The following SMARCD3 variants were observed in gnomAD, a reference collection of about 807,000 sequenced individuals.
SMARCD3 encodes the protein SWI/SNF related BAF chromatin remodeling complex subunit D3.
A neutral mutation model predicts 58.0 loss-of-function variants in SMARCD3; 14 were observed. The observed-to-expected ratio is 0.24, with a 90% confidence interval of 0.16 to 0.38. The LOEUF (loss-of-function observed/expected upper bound fraction) is 0.38, where lower values mean the gene tolerates loss of function less well. SMARCD3 is among the 10% of genes least tolerant of loss of function. The probability of loss-of-function intolerance (pLI) is 1.00; values close to 1 mark genes in which losing one functional copy is unlikely to be tolerated. For missense variants in SMARCD3, 408 were observed against 636.9 expected (o/e 0.64, Z 3.87); for synonymous variants, 253 against 253.8 (o/e 1.00, Z 0.03).
chr7:151,269,437 A>C (rs1227944917), intron 2 of SMARCD3, among the ~76,000 whole-genome samples: 1 of 152,176 alleles, frequency 6.6e-6, no homozygotes, highest in African/African-American at 2.4e-5. Context: ...CTGCTGGCTC[A>C]CTTTTTCTTT....
rs573737118 is a variant in SMARCD3, at chr7:151,245,611, C to T, written c.139G>A (p.Gly47Ser). 1.7e-6 allele frequency: 2 copies of T among 1,184,748 alleles called. No individual in the cohort carries two copies. The highest frequency in any genetic ancestry group is 1.1e-6 in the Non-Finnish European group (1 of 945,726). 73.4% of individuals were successfully genotyped at this position (1,184,748 alleles called of 1,614,324 possible). The stretch of plus-strand genomic sequence containing the variant: ...GCGGGGCTGCCCATGTACGGGGAGC[C>T]CGGGGGGCCCATGGGCGCCCCCTGG... Reference protein sequence around the residue: ...PHQGAPMGPPGSPYMGSPAVR... With the variant: ...PHQGAPMGPPSSPYMGSPAVR... Residue 47 changes from glycine (G) to serine (S), a missense_variant, in exon 2 of 13, where the codon GGC (glycine) becomes AGC (serine). Transcript: ENST00000262188. The surrounding 1 kb of genome is among the most constrained non-coding windows in gnomAD (Gnocchi z 6.2).
chr7:151,242,882 G>A lies in SMARCD3; in HGVS notation c.334-39C>T. ...AGCAGGGCAGGAGTCAGAGGCTCAAGTCCAGGGTTGTACCATGGAATGTAT... is the reference window on the plus strand; with the variant it reads ...AGCAGGGCAGGAGTCAGAGGCTCAAATCCAGGGTTGTACCATGGAATGTAT... On this transcript the variant is annotated intron_variant, in intron 3 of 12. Coordinates refer to ENST00000262188, the MANE Select transcript of SMARCD3 (RefSeq NM_001003801.2). This position sits in a 1 kb window ranked among gnomAD's most constrained non-coding sequence, Gnocchi z 4.7. 1 of 1,611,850 alleles carries A rather than the reference G, an allele frequency of 6.2e-7. No individual in the cohort carries two copies. The highest frequency in any genetic ancestry group is 1.1e-5 in the South Asian group (1 of 90,828).
At position 151,239,030 on chromosome 7, in the gene SMARCD3, C is replaced by T; in HGVS notation, c.*73G>A. 1 of 1,459,310 alleles carries T rather than the reference C, an allele frequency of 6.9e-7. No homozygotes were observed. Among genetic ancestry groups the T allele is most frequent in the Admixed American group, 1.7e-5 (1 of 59,818 alleles). 90.4% of individuals were successfully genotyped at this position (1,459,310 alleles called of 1,614,324 possible). On this transcript the variant is annotated 3_prime_UTR_variant, in exon 13 of 13. Coordinates refer to ENST00000262188, the MANE Select transcript of SMARCD3 (RefSeq NM_001003801.2). This position sits in a 1 kb window ranked among gnomAD's most constrained non-coding sequence, Gnocchi z 7.0. ...ACCCCAAGGTGGCAGAGGAGTGATG[C>T]TGGAGCCCGGGGCAAAATGCTGGGG...
At chr7:151,256,676 AC>A (rs1164985799) in intron 2 of SMARCD3, among the ~76,000 whole-genome samples, 1 of 151,510 alleles carries the variant, frequency 6.6e-6, no homozygotes, top group African/African-American at 2.4e-5. Context: ...CCGCTCCCAC[AC>A]CCCGACAGGA....
At chr7:151,240,366 C>T in intron 9 of SMARCD3, 59 bp downstream of exon 9, 1 of 1,582,468 alleles carries the variant, frequency 6.3e-7, no homozygotes. Flanking sequence ...GAGGGAGGGG[C>T]AGGGAAGGCA....
chr7:151,255,748 C>A (rs1038551010), intron 2 of SMARCD3, among the ~76,000 whole-genome samples: 1 of 152,162 alleles, frequency 6.6e-6, no homozygotes, highest in Non-Finnish European at 1.5e-5. Context: ...TCCTGCGACT[C>A]CTCTGGAACC....
rs1013396551 is a variant in SMARCD3, at chr7:151,242,427, A to G, written c.579+54T>C. On this transcript the variant is annotated intron_variant, in intron 5 of 12. Transcript: ENST00000262188. This position sits in a 1 kb window ranked among gnomAD's most constrained non-coding sequence, Gnocchi z 4.7. ...AGTGCAGACACCTTGTTCTGTTCTC[A>G]GTGCAGCCCATGCCCACCCCAGGAC... The G allele has an allele frequency of 1.9e-6, 3 of 1,600,404 alleles. No individual in the cohort carries two copies. The African/African-American group carries it at 4.0e-5, about 21-fold the overall frequency.
In SMARCD3 at chr7:151,243,583, G is replaced by A; in HGVS notation, c.333+76C>T. 1.2e-6 allele frequency: 1 copy of A among 828,138 alleles called. No homozygotes were observed. Among genetic ancestry groups the A allele is most frequent in the East Asian group, 2.5e-5 (1 of 40,078 alleles). 51.3% of individuals were successfully genotyped at this position (828,138 alleles called of 1,614,324 possible). A position where few individuals can be genotyped will look rare whatever the true frequency, so the allele number is the denominator to read the frequency against. On this transcript the variant is annotated intron_variant, in intron 3 of 12. Transcript: ENST00000262188. This position sits in a 1 kb window ranked among gnomAD's most constrained non-coding sequence, Gnocchi z 4.4. ...AAAGTGACTGTGATGCTGAAGCTCT[G>A]CTTCTGAGGGGGGAGGGGAGGGCGG...
chr7:151,243,146 G>C lies in SMARCD3; in HGVS notation c.334-303C>G, dbSNP rs749520041. On this transcript the variant is annotated intron_variant, in intron 3 of 12. Coordinates refer to ENST00000262188, the MANE Select transcript of SMARCD3 (RefSeq NM_001003801.2). The surrounding 1 kb of genome is among the most constrained non-coding windows in gnomAD (Gnocchi z 4.4). ...CACTAGCCTTTAGTCTCCTCATCTT[G>C]TCATTGTCCATATCATATGCCTGCT... Among the ~76,000 whole-genome samples the C allele has an allele frequency of 6.6e-6, 1 of 152,176 alleles. No individual in the cohort carries two copies. Among genetic ancestry groups the C allele is most frequent in the Non-Finnish European group, 1.5e-5 (1 of 68,026 alleles).
At position 151,248,419 on chromosome 7, in the gene SMARCD3, C is replaced by G; in HGVS notation, c.78+66G>C. ...GCGGGAGCGCCCTCCCGGCCCCTCC[C>G]GATCAGCCCTCCATTCAGCCCGAGC... On this transcript the variant is annotated intron_variant, in intron 1 of 12. Transcript: ENST00000262188. This position sits in a 1 kb window ranked among gnomAD's most constrained non-coding sequence, Gnocchi z 6.1. The G allele has an allele frequency of 7.2e-7, 1 of 1,393,222 alleles. No homozygotes were observed. Among genetic ancestry groups the G allele is most frequent in the Non-Finnish European group, 1.0e-6 (1 of 988,742 alleles). The allele number at this position is 1,393,222 out of a possible 1,614,324, so 86.3% of individuals were successfully genotyped here.
chr7:151,242,696 C>T lies in SMARCD3; in HGVS notation c.456+25G>A, dbSNP rs1803059097. On this transcript the variant is annotated intron_variant, in intron 4 of 12. Coordinates refer to ENST00000262188, the MANE Select transcript of SMARCD3 (RefSeq NM_001003801.2). The surrounding 1 kb of genome is among the most constrained non-coding windows in gnomAD (Gnocchi z 4.7). ...TCCTGGTCACACAACTCTAGAGTCC[C>T]CTTCCTACCCCCGAACTAAGGCACC... 1 of 1,614,050 alleles carries T rather than the reference C, an allele frequency of 6.2e-7. No individual in the cohort carries two copies. Among genetic ancestry groups the T allele is most frequent in the Non-Finnish European group, 8.5e-7 (1 of 1,179,972 alleles).
At chr7:151,266,736 T>C (rs1391042216) in intron 2 of SMARCD3, among the ~76,000 whole-genome samples, 1 of 152,136 alleles carries the variant, frequency 6.6e-6, no homozygotes, top group Non-Finnish European at 1.5e-5. Flanking sequence ...TTTTTTGAGA[T>C]AGGGTCTGGC....
chr7:151,264,589 G>A (rs1019629265), intron 2 of SMARCD3, among the ~76,000 whole-genome samples: 8 of 152,148 alleles, frequency 5.3e-5, no homozygotes, highest in South Asian at 2.1e-4. Flanking sequence ...TCTGGAGGAC[G>A]GAGGCAATCA....
chr7:151,249,231 C>G (rs1345880016), upstream of SMARCD3: 1 of 151,906 alleles, frequency 6.6e-6, no homozygotes, highest in African/African-American at 2.4e-5. This position sits in a 1 kb window ranked among gnomAD's most constrained non-coding sequence, Gnocchi z 4.8. Context: ...TGCCCGGGGC[C>G]GGCGGCGGTG....
chr7:151,273,489 C>T (rs1473385880), intron 2 of SMARCD3, among the ~76,000 whole-genome samples: 1 of 152,246 alleles, frequency 6.6e-6, no homozygotes, highest in Non-Finnish European at 1.5e-5. Context: ...AGCCTGCCCC[C>T]CGTTCAACCT....
At chr7:151,249,814 G>C (rs1186564309), upstream of SMARCD3, among the ~76,000 whole-genome samples, 1 of 151,768 alleles carries the variant, frequency 6.6e-6, no homozygotes, top group Non-Finnish European at 1.5e-5. The surrounding 1 kb of genome is among the most constrained non-coding windows in gnomAD (Gnocchi z 4.8). Flanking sequence ...GGAAGGAGTT[G>C]GCAGTCCCTG....
intron 2 of SMARCD3, among the ~76,000 whole-genome samples, chr7:151,257,221 TC>T (rs1803730646): frequency 6.6e-6 from 1 of 152,020 alleles, no homozygotes; most frequent in African/African-American, 2.4e-5. Context: ...ACCCTACTTA[TC>T]CTACAGGTTG....
intron 2 of SMARCD3, among the ~76,000 whole-genome samples, chr7:151,269,990 C>T (rs555399344): frequency 6.6e-6 from 1 of 152,242 alleles, no homozygotes; most frequent in Admixed American, 6.5e-5. Context: ...TTCAGCGCTC[C>T]CCAGGGGGCA....
intron 9 of SMARCD3, 41 bp from the exon 10 acceptor site, chr7:151,240,288 A>G: frequency 6.8e-7 from 1 of 1,461,938 alleles, no homozygotes; most frequent in Non-Finnish European, 9.0e-7. Flanking sequence ...CGATGCCCCC[A>G]TACGGCCCCA....
Sources: gnomAD v4.1 joint callset for allele counts (sites outside exome capture counted in the v4.1 genomes callset) on GRCh38, gnomAD v4.1.1 for gene constraint, Gnocchi (gnomAD v3.1) non-coding constraint, MANE v1.5 for transcripts, NCBI Gene and HGNC (gene_info 2026-07-23, HGNC 2026-07-21) for gene names.